PDGFD: variants seen among roughly 807,000 people sequenced by gnomAD.
PDGFD encodes platelet derived growth factor D, also known as platelet-derived growth factor D.
In PDGFD, 30 loss-of-function variants were observed where a neutral mutation model predicts 44.7. The observed-to-expected ratio is 0.67, with a 90% CI of 0.50 to 0.91. The LOEUF (loss-of-function observed/expected upper bound fraction) is 0.91, where lower values mean the gene tolerates loss of function less well. Among genes scored for constraint, PDGFD ranks in the 40% least tolerant of loss-of-function variants. The pLI, the probability that PDGFD is intolerant of heterozygous loss-of-function variation, is 0.00. For synonymous variants in PDGFD, 173 were observed against 168.4 expected, an observed-to-expected ratio of 1.03 and a Z score of -0.21; for missense variants, 445 against 457.8, an observed-to-expected ratio of 0.97 and a Z score of 0.25.
At chr11:104,118,466 G>C (rs774693001) in intron 1 of PDGFD, among the ~76,000 whole-genome samples, 17 of 151,620 alleles carry the variant, frequency 1.1e-4, no homozygotes, top group Non-Finnish European at 2.4e-4. Flanking sequence ...AAGTCATTCA[G>C]TTTATGTTAT....
At chr11:104,130,811 T>C (rs1183773600) in intron 1 of PDGFD, among the ~76,000 whole-genome samples, 1 of 152,204 alleles carries the variant, frequency 6.6e-6, no homozygotes, top group Non-Finnish European at 1.5e-5. Context: ...TCATCATGTT[T>C]TATTCTTTTT....
intron 1 of PDGFD, among the ~76,000 whole-genome samples, chr11:104,102,326 T>A (rs1027427948): frequency 3.9e-5 from 6 of 151,928 alleles, no homozygotes; most frequent in Non-Finnish European, 7.4e-5. Flanking sequence ...CACATGAAAA[T>A]ATGCTCATCA....
intron 3 of PDGFD, among the ~76,000 whole-genome samples, chr11:103,966,542 C>T (rs1484025392): frequency 3.9e-5 from 6 of 152,150 alleles, no homozygotes; most frequent in East Asian, 3.8e-4. Flanking sequence ...CTCAAGAGAG[C>T]GCTGCATTAT....
At chr11:104,130,206 C>T (rs1335029833) in intron 1 of PDGFD, among the ~76,000 whole-genome samples, 1 of 152,050 alleles carries the variant, frequency 6.6e-6, no homozygotes, top group African/African-American at 2.4e-5. Flanking sequence ...GCAGAATAAC[C>T]CTCTACATTC....
At chr11:103,925,642 C>T (rs2134309564) in intron 6 of PDGFD, among the ~76,000 whole-genome samples, 1 of 145,854 alleles carries the variant, frequency 6.9e-6, no homozygotes, top group East Asian at 2.0e-4. Flanking sequence ...CCTCTTCAGT[C>T]TACTCTCTCT....
intron 3 of PDGFD, among the ~76,000 whole-genome samples, chr11:103,957,863 C>G (rs1858880689): frequency 6.6e-6 from 1 of 152,108 alleles, no homozygotes; most frequent in Admixed American, 6.5e-5. Context: ...CAAAATACTA[C>G]TTTGTTAATA....
At chr11:104,120,935 T>C (rs1353664330) in intron 1 of PDGFD, among the ~76,000 whole-genome samples, 1 of 152,040 alleles carries the variant, frequency 6.6e-6, no homozygotes, top group Admixed American at 6.6e-5. Context: ...ACAGCTCAAA[T>C]GTAAAACAGA....
chr11:104,036,653 G>C, intron 1 of PDGFD: 1 of 621,332 alleles, frequency 1.6e-6, no homozygotes, highest in Non-Finnish European at 2.8e-6. Context: ...GAGGCTGGGA[G>C]ACAGCCCCCA....
chr11:104,126,437 A>G (rs68112497), intron 1 of PDGFD, among the ~76,000 whole-genome samples: 28,541 of 152,134 alleles, frequency 0.19, 2,786 homozygotes, highest in Middle Eastern at 0.29. Context: ...TGTTTGTACA[A>G]GGTGGGGAAG....
At chr11:104,107,761 A>G (rs920030023) in intron 1 of PDGFD, among the ~76,000 whole-genome samples, 2 of 152,256 alleles carry the variant, frequency 1.3e-5, no homozygotes, top group East Asian at 3.9e-4. Flanking sequence ...TTTTTGCCTC[A>G]GTTTCTTCAC....
intron 1 of PDGFD, among the ~76,000 whole-genome samples, chr11:104,065,367 G>C (rs1467173970): frequency 6.6e-6 from 1 of 151,898 alleles, no homozygotes. Flanking sequence ...AAGTCATTCA[G>C]CTTCAACAAA....
chr11:103,913,779 A>G (rs1858068954), intron 6 of PDGFD, among the ~76,000 whole-genome samples: 1 of 152,218 alleles, frequency 6.6e-6, no homozygotes, highest in African/African-American at 2.4e-5. Context: ...AAAAGAGAGA[A>G]GAATCAAAGA....
chr11:104,151,767 TTTAATAAC>T (rs1412567711), intron 1 of PDGFD, among the ~76,000 whole-genome samples: 1 of 152,166 alleles, frequency 6.6e-6, no homozygotes, highest in Non-Finnish European at 1.5e-5. Flanking sequence ...CTGCTCAAGT[TTTAATAAC>T]TTAATTATAA....
chr11:104,146,124 T>G (rs1467216216), intron 1 of PDGFD, among the ~76,000 whole-genome samples: 1 of 152,186 alleles, frequency 6.6e-6, no homozygotes, highest in Non-Finnish European at 1.5e-5. Context: ...TTTTGAGCAC[T>G]CACCATTAAA....
chr11:104,080,468 C>G (rs908253410), intron 1 of PDGFD, among the ~76,000 whole-genome samples: 1 of 152,032 alleles, frequency 6.6e-6, no homozygotes, highest in Admixed American at 6.6e-5. Context: ...CAAAATATAC[C>G]AGCACAGGGT....
At chr11:104,107,041 G>A (rs759745504) in intron 1 of PDGFD, among the ~76,000 whole-genome samples, 32 of 152,040 alleles carry the variant, frequency 2.1e-4, no homozygotes, top group Non-Finnish European at 3.7e-4. Flanking sequence ...TACCACGCCC[G>A]GCCAATGCCC....
At chr11:104,084,289 G>A (rs1861089508) in intron 1 of PDGFD, among the ~76,000 whole-genome samples, 1 of 152,182 alleles carries the variant, frequency 6.6e-6, no homozygotes, top group African/African-American at 2.4e-5. Flanking sequence ...CATAGAGCAT[G>A]ACCAGGAAAC....
At chr11:104,072,682 T>C (rs1860898898) in intron 1 of PDGFD, among the ~76,000 whole-genome samples, 1 of 151,968 alleles carries the variant, frequency 6.6e-6, no homozygotes, top group South Asian at 2.1e-4. Flanking sequence ...ATTTCCCCAT[T>C]AAGTAAAATT....
chr11:104,000,953 A>G (rs1230906029), intron 1 of PDGFD, among the ~76,000 whole-genome samples: 5 of 151,224 alleles, frequency 3.3e-5, no homozygotes, highest in African/African-American at 1.2e-4. Context: ...TCATAGAAAT[A>G]TTTTTGTTAT....
Sources: allele counts gnomAD v4.1 joint callset (sites outside exome capture counted in the v4.1 genomes callset), GRCh38; gene constraint gnomAD v4.1.1; transcripts MANE v1.5; gene names NCBI Gene and HGNC (gene_info 2026-07-23, HGNC 2026-07-21).